RBMXL1: variants seen among roughly 807,000 people sequenced by gnomAD.
RBMXL1 encodes RBMX like 1.
In RBMXL1, 18 loss-of-function variants were observed where a neutral mutation model predicts 29.0. The ratio of observed to expected loss-of-function variants is 0.62; its 90% CI spans 0.43 to 0.92. The LOEUF (loss-of-function observed/expected upper bound fraction) is 0.92. Among genes scored for constraint, RBMXL1 ranks in the 40% least tolerant of loss-of-function variants. The pLI is 0.00. For missense variants in RBMXL1, 403 were observed against 495.8 expected (o/e 0.81, Z 1.78); for synonymous variants, 141 against 170.4 (o/e 0.83, Z 1.34).
At position 88,984,027 on chromosome 1, in the gene RBMXL1, C is replaced by A; in HGVS notation, c.-201G>T. The A allele has an allele frequency of 2.0e-6, 1 of 490,124 alleles. No homozygotes were observed. The highest frequency in any genetic ancestry group is 3.6e-5 in the Admixed American group (1 of 28,126). 30.4% of individuals were successfully genotyped at this position (490,124 alleles called of 1,614,324 possible). On this transcript the variant is annotated 5_prime_UTR_variant, in exon 3 of 3. It introduces an in-frame stop codon into an upstream open reading frame of the 5' UTR. Coordinates refer to ENST00000652648, the MANE Select transcript of RBMXL1 (RefSeq NM_001162536.3). ...TTCAAAAAACCAGGAAAATTACTTT[C>A]TTTTGCCACTAGATGGCAGAGGAAA...
Position 88,982,545 on chromosome 1 carries a change from G to GT in RBMXL1, c.*108dup. 1 of 1,426,624 alleles carries GT rather than the reference G, an allele frequency of 7.0e-7. No individual in the cohort carries two copies. Among genetic ancestry groups the GT allele is most frequent in the Non-Finnish European group, 9.4e-7 (1 of 1,064,242 alleles). 88.4% of individuals were successfully genotyped at this position (1,426,624 alleles called of 1,614,324 possible). A position where few individuals can be genotyped will look rare whatever the true frequency, so the allele number is the denominator to read the frequency against. On this transcript the variant is annotated 3_prime_UTR_variant, in exon 3 of 3. Transcript: ENST00000652648. The stretch of plus-strand genomic sequence containing the variant: ...GGACTTAACAGGGAATTTAAAAAAG[G>GT]TAACACAATTTTTCCTTTTAGTAGT...
At chr1:88,989,465 T>C (rs1162883387) in intron 1 of RBMXL1, among the ~76,000 whole-genome samples, 1 of 152,158 alleles carries the variant, frequency 6.6e-6, no homozygotes, top group Non-Finnish European at 1.5e-5. Context: ...TAATAAGGTT[T>C]GAGTTAAAGC....
In RBMXL1 at chr1:88,983,896, T is replaced by C. The variant is rs1442261297; in HGVS notation, c.-70A>G. The C allele has an allele frequency of 6.3e-7, 1 of 1,590,660 alleles. No homozygotes were observed. Among genetic ancestry groups the C allele is most frequent in the Admixed American group, 1.7e-5 (1 of 59,704 alleles). Reference sequence around the variant, plus strand: ...CTCCAACAAGCTCGCCGACAGGGGCTTCCTAGCAGCTCAGCACCAGTGGCG... The same window carrying C: ...CTCCAACAAGCTCGCCGACAGGGGCCTCCTAGCAGCTCAGCACCAGTGGCG... On this transcript the variant is annotated 5_prime_UTR_variant, in exon 3 of 3. Coordinates refer to ENST00000652648, the MANE Select transcript of RBMXL1 (RefSeq NM_001162536.3).
At chr1:88,990,950 A>G (rs1341424479) in intron 1 of RBMXL1, among the ~76,000 whole-genome samples, 1 of 152,220 alleles carries the variant, frequency 6.6e-6, no homozygotes, top group Non-Finnish European at 1.5e-5. Context: ...ATTCTAAACA[A>G]TATTTTCATT....
In RBMXL1 at chr1:88,982,928, G is replaced by A; in HGVS notation, c.899C>T (p.Pro300Leu). ...NSRSAPLTRG[P>L]PPSYGGSSRY... ...ACTGCTTCCACCATAAGATGGCGGG[G>A]GCCCTCGTGTAAGTGGAGCACTACG... The change falls in exon 3 of 3, where the codon CCC (proline) becomes CTC (leucine). Residue 300 changes from proline to leucine, a missense_variant. Transcript: ENST00000652648. 2 of 1,613,970 alleles carry A rather than the reference G, an allele frequency of 1.2e-6. No individual in the cohort carries two copies. Among genetic ancestry groups the A allele is most frequent in the Non-Finnish European group, 1.7e-6 (2 of 1,179,888 alleles).
chr1:88,984,204 C>CTTTTTT lies in RBMXL1; in HGVS notation c.-240-144_-240-139dup, dbSNP rs908183722. 2.0e-3 allele frequency: 166 copies of CTTTTTT among 81,754 alleles called. 13 individuals are homozygous for CTTTTTT. The highest frequency in any genetic ancestry group is 3.8e-3 in the African/African-American group (88 of 22,858). 5.1% of individuals were successfully genotyped at this position (81,754 alleles called of 1,614,324 possible). On this transcript the variant is annotated intron_variant, in intron 2 of 2. Coordinates refer to ENST00000652648, the MANE Select transcript of RBMXL1 (RefSeq NM_001162536.3). ...ATTAACAGGAGCCCTTTTTTTGTTG[C>CTTTTTT]TTTTTTTTTTTTTTTTTTTTTTTTT...
intron 1 of RBMXL1, among the ~76,000 whole-genome samples, chr1:88,992,119 C>CA (rs1677838904): frequency 6.6e-6 from 1 of 151,958 alleles, no homozygotes; most frequent in South Asian, 2.1e-4. Context: ...GCTGGGACTA[C>CA]AGGCGCCCGC....
intron 1 of RBMXL1, among the ~76,000 whole-genome samples, chr1:88,990,223 T>A (rs190747281): frequency 6.6e-6 from 1 of 152,296 alleles, no homozygotes; most frequent in East Asian, 1.9e-4. Flanking sequence ...CACTGATTAT[T>A]ACCTCTTTAC....
chr1:88,987,767 C>T (rs1477508312), intron 2 of RBMXL1, among the ~76,000 whole-genome samples: 1 of 152,220 alleles, frequency 6.6e-6, no homozygotes, highest in Non-Finnish European at 1.5e-5. Flanking sequence ...TTCATTACCA[C>T]ACCTCACCAA....
chr1:88,992,286 G>A (rs1357836601), intron 1 of RBMXL1, among the ~76,000 whole-genome samples: 4 of 152,218 alleles, frequency 2.6e-5, no homozygotes, highest in Non-Finnish European at 4.4e-5. Flanking sequence ...TTTAAATTAA[G>A]AGTCCCAAAG....
At chr1:88,989,887 G>C (rs1478678635) in intron 1 of RBMXL1, among the ~76,000 whole-genome samples, 1 of 152,210 alleles carries the variant, frequency 6.6e-6, no homozygotes. Context: ...GACTGCTGGA[G>C]AAAGTCCCAC....
Position 88,983,069 on chromosome 1 carries a change from T to C in RBMXL1, c.758A>G (p.Asp253Gly), listed in dbSNP as rs201156860. The change falls in exon 3 of 3, where the codon GAT (aspartate) becomes GGT (glycine). Residue 253 changes from aspartate (D) to glycine (G), a missense_variant. Physicochemically the swap from Asp to Gly is moderately conservative, Grantham distance 94. Transcript: ENST00000652648. ...GCCATAGCCTCTTGATGGATAGTCA[T>C]CACGTGAACTGGAATGACCATAATC... ...YRDYGHSSSRDDYPSRGYGDR... is the reference protein window; with the variant it reads ...YRDYGHSSSRGDYPSRGYGDR... 1 of 1,612,370 alleles carries C rather than the reference T, an allele frequency of 6.2e-7. No individual in the cohort carries two copies. The highest frequency in any genetic ancestry group is 2.2e-5 in the East Asian group (1 of 44,868).
At chr1:88,989,229 T>A (rs942062670) in intron 1 of RBMXL1, among the ~76,000 whole-genome samples, 2 of 152,172 alleles carry the variant, frequency 1.3e-5, no homozygotes, top group Non-Finnish European at 2.9e-5. Flanking sequence ...GGAAACTAAA[T>A]AGAGCTTCTA....
intron 1 of RBMXL1, among the ~76,000 whole-genome samples, chr1:88,991,838 G>A (rs1250314319): frequency 1.3e-5 from 2 of 152,250 alleles, no homozygotes; most frequent in Non-Finnish European, 2.9e-5. Context: ...TGGCCGCCAA[G>A]GAGCCACGCG....
intron 1 of RBMXL1, among the ~76,000 whole-genome samples, chr1:88,989,062 C>T (rs990942549): frequency 1.3e-5 from 2 of 152,078 alleles, no homozygotes; most frequent in African/African-American, 4.8e-5. Context: ...GAAAGAAAAC[C>T]CAGCTTTCTA....
chr1:88,986,793 A>G (rs1677482751), intron 2 of RBMXL1, among the ~76,000 whole-genome samples: 1 of 152,202 alleles, frequency 6.6e-6, no homozygotes, highest in South Asian at 2.1e-4. Flanking sequence ...GCTGGTTCTG[A>G]CAAGTCTTTC....
chr1:88,987,228 C>T (rs896052113), intron 2 of RBMXL1, among the ~76,000 whole-genome samples: 1 of 152,142 alleles, frequency 6.6e-6, no homozygotes, highest in Admixed American at 6.5e-5. Context: ...ATTGTGCACA[C>T]AAATGCCCTT....
chr1:88,982,627 G>A lies in RBMXL1; in HGVS notation c.*27C>T, dbSNP rs772771062. The A allele has an allele frequency of 5.1e-6, 8 of 1,565,672 alleles. No homozygotes were observed. The South Asian group carries it at 9.6e-5, about 19-fold the overall frequency. ...TCTTTTTTTTGTTTCTTTGAACTGGGATTTTGGTCCAAAGTTTTGTTTGTT... is the reference window on the plus strand; with the variant it reads ...TCTTTTTTTTGTTTCTTTGAACTGGAATTTTGGTCCAAAGTTTTGTTTGTT... On this transcript the variant is annotated 3_prime_UTR_variant, in exon 3 of 3. Transcript: ENST00000652648.
At chr1:88,991,221 A>C (rs1677775918) in intron 1 of RBMXL1, among the ~76,000 whole-genome samples, 2 of 152,230 alleles carry the variant, frequency 1.3e-5, no homozygotes. Flanking sequence ...GCCGAATATA[A>C]AGCTAAAAGG....
Sources: gnomAD v4.1 joint callset for allele counts (sites outside exome capture counted in the v4.1 genomes callset) on GRCh38, gnomAD v4.1.1 for gene constraint, MANE v1.5 for transcripts, NCBI Gene and HGNC (gene_info 2026-07-23, HGNC 2026-07-21) for gene names.